ACCSL: variants seen among roughly 807,000 people sequenced by gnomAD.
The protein encoded by ACCSL is probable inactive 1-aminocyclopropane-1-carboxylate synthase-like protein 2.
In ACCSL, 55 loss-of-function variants were observed where a neutral mutation model predicts 61.7. The observed-to-expected ratio is 0.89, with a 90% CI of 0.72 to 1.12. ACCSL has a LOEUF of 1.12. Ranked by LOEUF, ACCSL falls within the 50% of genes most tolerant of loss-of-function variation. The probability of loss-of-function intolerance (pLI) is 0.00; values close to 1 mark genes in which losing one functional copy is unlikely to be tolerated. For missense variants in ACCSL, 632 were observed against 698.0 expected (o/e 0.91, Z 1.07); for synonymous variants, 258 against 264.3 (o/e 0.98, Z 0.23).
At chr11:44,014,272 C>T in the ACCSL span, among the ~76,000 whole-genome samples, 1 of 152,196 alleles carries the variant, frequency 6.6e-6, no homozygotes, top group Non-Finnish European at 1.5e-5. Context: ...CAGGAGGCCC[C>T]TTGAGGTCCA....
the ACCSL span, among the ~76,000 whole-genome samples, chr11:44,036,491 C>T: frequency 0.055 from 8,424 of 152,202 alleles, 456 homozygotes; most frequent in African/African-American, 0.14. Context: ...TACAGATTCC[C>T]AGGTTCTATG....
the ACCSL span, among the ~76,000 whole-genome samples, chr11:43,963,315 G>A: frequency 6.6e-6 from 1 of 152,178 alleles, no homozygotes; most frequent in South Asian, 2.1e-4. Context: ...CTAGACAATT[G>A]ACAGCCCACC....
Position 44,048,835 on chromosome 11 carries a change from C to T in ACCSL, c.504+295C>T, listed in dbSNP as rs117558754. Among the ~76,000 whole-genome samples the T allele has an allele frequency of 6.1e-3, 927 of 152,224 alleles. 9 individuals are homozygous for T. The highest frequency in any genetic ancestry group is 0.05 in the South Asian group (239 of 4,818). On this transcript the variant is annotated intron_variant, in intron 1 of 13. Coordinates refer to ENST00000378832, the MANE Select transcript of ACCSL (RefSeq NM_001031854.2). ...ATGAGCCTGCCGTTAAAGAACTTAGCGTAGTGATGAATGGAGTCAGCCACT... is the reference window on the plus strand; with the variant it reads ...ATGAGCCTGCCGTTAAAGAACTTAGTGTAGTGATGAATGGAGTCAGCCACT...
At chr11:44,058,815 A>T (rs1054498689) in intron 13 of ACCSL, 116 bp downstream of exon 13, 19 of 1,275,242 alleles carry the variant, frequency 1.5e-5, no homozygotes, top group Middle Eastern at 2.8e-4. Context: ...CCCTGTTTCC[A>T]TGTCTATCTT....
the ACCSL span, among the ~76,000 whole-genome samples, chr11:43,937,892 T>C: frequency 6.6e-6 from 1 of 152,192 alleles, no homozygotes; most frequent in Non-Finnish European, 1.5e-5. Context: ...CACGTGGTCA[T>C]TTAGGGACTC....
chr11:43,934,251 C>T, the ACCSL span, among the ~76,000 whole-genome samples: 10 of 152,174 alleles, frequency 6.6e-5, no homozygotes, highest in Non-Finnish European at 1.5e-4. Flanking sequence ...AGACGAAGTG[C>T]TAATTCTGAG....
upstream of ACCSL, among the ~76,000 whole-genome samples, chr11:44,046,138 C>G (rs535058253): frequency 3.9e-4 from 59 of 152,300 alleles, 2 homozygotes; most frequent in South Asian, 1.2e-3. Context: ...AAATGAATCT[C>G]TTCTAGGACA....
the ACCSL span, chr11:43,933,052 G>T: frequency 2.2e-6 from 1 of 455,586 alleles, no homozygotes; most frequent in East Asian, 6.9e-5. Flanking sequence ...TTGCTTCTGC[G>T]TTTCTGGCTC....
At chr11:43,988,994 C>T in the ACCSL span, among the ~76,000 whole-genome samples, 3 of 151,976 alleles carry the variant, frequency 2.0e-5, no homozygotes, top group African/African-American at 2.4e-5. Flanking sequence ...TGTGACAGTG[C>T]GAAAGATTGG....
the ACCSL span, chr11:43,925,402 G>A: frequency 8.8e-6 from 4 of 456,224 alleles, no homozygotes; most frequent in South Asian, 6.2e-5. Flanking sequence ...CCAAGGAGTG[G>A]TATTGATCGT....
At chr11:43,997,844 T>G in the ACCSL span, among the ~76,000 whole-genome samples, 1 of 152,178 alleles carries the variant, frequency 6.6e-6, no homozygotes, top group Non-Finnish European at 1.5e-5. Flanking sequence ...AGCTCTGCGG[T>G]CCTCCTGGCC....
chr11:44,033,109 C>A, the ACCSL span, among the ~76,000 whole-genome samples: 2 of 152,162 alleles, frequency 1.3e-5, no homozygotes, highest in Non-Finnish European at 2.9e-5. Context: ...GACGAACAGT[C>A]GGGTTTGGTG....
chr11:43,966,836 T>C, the ACCSL span, among the ~76,000 whole-genome samples: 1 of 152,200 alleles, frequency 6.6e-6, no homozygotes, highest in African/African-American at 2.4e-5. Context: ...GGCACATCTA[T>C]CACCTTTTAG....
chr11:43,943,690 C>G, the ACCSL span: 1 of 1,304,596 alleles, frequency 7.7e-7, no homozygotes, highest in East Asian at 5.6e-5. This position sits in a 1 kb window ranked among gnomAD's most constrained non-coding sequence, Gnocchi z 4.8. Flanking sequence ...AACACTCTCG[C>G]TGAACACTTT....
the ACCSL span, among the ~76,000 whole-genome samples, chr11:43,982,226 CTTTTTTT>C: frequency 3.1e-4 from 27 of 86,318 alleles, no homozygotes; most frequent in African/African-American, 7.9e-4. Flanking sequence ...CCAAGGCCCT[CTTTTTTT>C]TTTTTTTTTT....
At chr11:44,058,762 T>TC in intron 13 of ACCSL, 63 bp downstream of exon 13, 1 of 1,542,242 alleles carries the variant, frequency 6.5e-7, no homozygotes, top group Non-Finnish European at 8.8e-7. Context: ...GTCAATCTTC[T>TC]CCCCCACCCC....
the ACCSL span, among the ~76,000 whole-genome samples, chr11:43,935,841 C>T: frequency 2.0e-4 from 30 of 152,120 alleles, no homozygotes; most frequent in Admixed American, 5.2e-4. Context: ...AGCTACAGAC[C>T]TGCTGAGAAG....
chr11:44,027,504 G>A, the ACCSL span, among the ~76,000 whole-genome samples: 2 of 152,204 alleles, frequency 1.3e-5, no homozygotes, highest in Non-Finnish European at 2.9e-5. Flanking sequence ...GCTTTATAGT[G>A]AAACCTAGCA....
At chr11:43,973,667 G>A in the ACCSL span, among the ~76,000 whole-genome samples, 1 of 152,178 alleles carries the variant, frequency 6.6e-6, no homozygotes, top group Non-Finnish European at 1.5e-5. Flanking sequence ...GTCTAATGAA[G>A]TGGAAAAGGT....
Sources: allele counts gnomAD v4.1 joint callset (sites outside exome capture counted in the v4.1 genomes callset), GRCh38; gene constraint gnomAD v4.1.1; non-coding constraint Gnocchi (gnomAD v3.1); transcripts MANE v1.5; gene names NCBI Gene and HGNC (gene_info 2026-07-23, HGNC 2026-07-21).